The following PICALM variants were observed in gnomAD, a reference collection of about 807,000 sequenced individuals.
The protein encoded by PICALM is phosphatidylinositol-binding clathrin assembly protein.
Under a neutral mutation model 80.5 loss-of-function variants are expected in PICALM, and 40 were observed. That is an observed-to-expected ratio of 0.50 (90% CI 0.39 to 0.65). The LOEUF (loss-of-function observed/expected upper bound fraction) is 0.65. Ranked by LOEUF, PICALM falls within the 30% of genes least tolerant of loss-of-function variation. The probability of loss-of-function intolerance (pLI) is 0.00; values close to 1 mark genes in which losing one functional copy is unlikely to be tolerated. For synonymous variants in PICALM, 288 were observed against 260.3 expected, an observed-to-expected ratio of 1.11 and a Z score of -1.02; for missense variants, 676 against 778.9, an observed-to-expected ratio of 0.87 and a Z score of 1.57.
At chr11:85,985,945 A>G (rs989554162) in intron 13 of PICALM, among the ~76,000 whole-genome samples, 2 of 152,172 alleles carry the variant, frequency 1.3e-5, no homozygotes, top group Non-Finnish European at 2.9e-5. Context: ...CTTTATAGTC[A>G]CACAGAAATT....
Position 86,068,799 on chromosome 11 carries a change from ACCC to A in PICALM, c.-22_-20del. On this transcript the variant is annotated 5_prime_UTR_variant, in exon 1 of 20. Transcript: ENST00000393346. Reference sequence around the variant, plus strand: ...CGGACATCTCTGCAGCTCCTCCACCACCCCACCCGCTCAGCAGCCGGCGGGGAC... The same window carrying A: ...CGGACATCTCTGCAGCTCCTCCACCACACCCGCTCAGCAGCCGGCGGGGAC... 6.3e-7 allele frequency: 1 copy of A among 1,589,738 alleles called. No homozygotes were observed. Among genetic ancestry groups the A allele is most frequent in the Non-Finnish European group, 8.5e-7 (1 of 1,172,034 alleles).
chr11:86,046,166 T>C (rs1359303348), intron 1 of PICALM, among the ~76,000 whole-genome samples: 1 of 152,236 alleles, frequency 6.6e-6, no homozygotes, highest in Non-Finnish European at 1.5e-5. Flanking sequence ...ATACTGATAA[T>C]GAAGATTTTA....
intron 17 of PICALM, chr11:85,976,977 T>C (rs2135598115): frequency 4.6e-6 from 1 of 217,854 alleles, no homozygotes; most frequent in South Asian, 1.2e-4. Context: ...TTTAAAAAAG[T>C]ATCTTAAATA....
intron 1 of PICALM, among the ~76,000 whole-genome samples, chr11:86,046,874 G>A (rs1400697642): frequency 6.6e-6 from 1 of 152,206 alleles, no homozygotes; most frequent in Non-Finnish European, 1.5e-5. Context: ...CTGGCCTTAA[G>A]TGATCCTCCC....
chr11:86,012,241 C>T lies in PICALM; in HGVS notation c.658+40G>A, dbSNP rs758212795. 4.5e-6 allele frequency: 5 copies of T among 1,121,040 alleles called. No homozygotes were observed. In the East Asian group the frequency reaches 1.2e-4, roughly 27 times the overall value. The allele number at this position is 1,121,040 out of a possible 1,614,324, so 69.4% of individuals were successfully genotyped here. On this transcript the variant is annotated intron_variant, in intron 6 of 19. Transcript: ENST00000393346. Reference sequence around the variant, plus strand: ...CAGTCAATATTGTTTATCCATATGACACAAGATAAGAAATGTTATTAGGCT... The same window carrying T: ...CAGTCAATATTGTTTATCCATATGATACAAGATAAGAAATGTTATTAGGCT...
chr11:86,024,774 C>T (rs2095623696), intron 3 of PICALM, among the ~76,000 whole-genome samples: 1 of 152,154 alleles, frequency 6.6e-6, no homozygotes, highest in Non-Finnish European at 1.5e-5. Context: ...ATCTTAAATA[C>T]TCATATCCAT....
At position 86,006,137 on chromosome 11, in the gene PICALM, C is replaced by T. The variant is rs569073842; in HGVS notation, c.807+1405G>A. On this transcript the variant is annotated intron_variant, in intron 8 of 19. Transcript: ENST00000393346. ...AGTTGCCAAATCATTTTATAATATA[C>T]GTTATTCAAGCAATGACTTGTCTCA... Among the ~76,000 whole-genome samples, 17 of 152,278 alleles carry T rather than the reference C, an allele frequency of 1.1e-4. No homozygotes were observed. In the South Asian group the frequency reaches 2.9e-3, roughly 26 times the overall value.
intron 12 of PICALM, among the ~76,000 whole-genome samples, chr11:85,991,954 C>T (rs2135932825): frequency 6.6e-6 from 1 of 152,216 alleles, no homozygotes; most frequent in South Asian, 2.1e-4. Flanking sequence ...CTCCTGGGCT[C>T]AAGTGATGCT....
In PICALM at chr11:85,996,903, A is replaced by G. The variant is rs1413784570; in HGVS notation, c.1181T>C (p.Leu394Pro). The G allele has an allele frequency of 2.5e-6, 4 of 1,612,862 alleles. No individual in the cohort carries two copies. The highest frequency in any genetic ancestry group is 1.1e-5 in the South Asian group (1 of 90,956). ...GTGAAAAGTTGGCTGCTGCAAATCAAGCAGATCATTGGGCAGCTTTGATGT... is the reference window on the plus strand; with the variant it reads ...GTGAAAAGTTGGCTGCTGCAAATCAGGCAGATCATTGGGCAGCTTTGATGT... ...NSTSKLPNDLLDLQQPTFHPS... is the reference protein window; with the variant it reads ...NSTSKLPNDLPDLQQPTFHPS... Residue 394 changes from leucine (L) to proline (P), a missense_variant, in exon 12 of 20, where the codon CTT (leucine) becomes CCT (proline). By Grantham distance (98) the Leu-to-Pro change is moderately conservative. Coordinates refer to ENST00000393346, the MANE Select transcript of PICALM (RefSeq NM_007166.4).
intron 1 of PICALM, among the ~76,000 whole-genome samples, chr11:86,055,560 G>A (rs367745155): frequency 6.6e-6 from 1 of 152,310 alleles, no homozygotes; most frequent in African/African-American, 2.4e-5. Flanking sequence ...CATGGAGATT[G>A]CCATCAAGTA....
intron 1 of PICALM, among the ~76,000 whole-genome samples, chr11:86,062,398 A>G (rs2096382112): frequency 6.6e-6 from 1 of 151,994 alleles, no homozygotes; most frequent in Admixed American, 6.6e-5. Context: ...GGCACCTGTA[A>G]TCCCAGGTAT....
intron 1 of PICALM, among the ~76,000 whole-genome samples, chr11:86,058,246 A>C (rs1260752512): frequency 1.3e-5 from 2 of 152,102 alleles, no homozygotes; most frequent in Non-Finnish European, 2.9e-5. Context: ...GCACACACAC[A>C]CCCCCACAAA....
intron 1 of PICALM, 123 bp from the exon 2 acceptor site, chr11:86,031,734 G>A (rs111471401): frequency 1.8e-5 from 12 of 678,488 alleles, no homozygotes; most frequent in Non-Finnish European, 2.6e-5. Context: ...GTTTGGAGAT[G>A]TTGTTAAAAA....
chr11:86,021,897 T>C (rs2136501271), intron 4 of PICALM, among the ~76,000 whole-genome samples: 1 of 152,336 alleles, frequency 6.6e-6, no homozygotes, highest in South Asian at 2.1e-4. Flanking sequence ...TGCTATAACT[T>C]GGACATATCA....
intron 7 of PICALM, among the ~76,000 whole-genome samples, chr11:86,008,485 T>C (rs956374516): frequency 8.5e-5 from 13 of 152,050 alleles, no homozygotes; most frequent in Admixed American, 6.5e-4. Context: ...CCGGGCATGG[T>C]GGCAGGCACC....
intron 4 of PICALM, among the ~76,000 whole-genome samples, chr11:86,016,952 T>C (rs763708695): frequency 2.0e-5 from 3 of 152,228 alleles, no homozygotes; most frequent in African/African-American, 4.8e-5. Context: ...CTGGGCGCGT[T>C]GGCTCACGCT....
chr11:86,008,828 C>T (rs1048017425), intron 7 of PICALM, among the ~76,000 whole-genome samples: 1 of 151,278 alleles, frequency 6.6e-6, no homozygotes, highest in African/African-American at 2.4e-5. Flanking sequence ...CGGTGGCTCA[C>T]GCCTGTAATC....
At chr11:85,974,633 G>T in intron 19 of PICALM, 75 bp downstream of exon 19, 1 of 954,536 alleles carries the variant, frequency 1.0e-6, no homozygotes, top group Non-Finnish European at 1.7e-6. Context: ...TTCTCAAGTT[G>T]TACAAAAGGG....
At chr11:86,047,565 A>G (rs2096096181) in intron 1 of PICALM, among the ~76,000 whole-genome samples, 1 of 152,256 alleles carries the variant, frequency 6.6e-6, no homozygotes, top group Non-Finnish European at 1.5e-5. Context: ...ATGTTACATG[A>G]GAAGAACACA....
Sources: gnomAD v4.1 joint callset for allele counts (sites outside exome capture counted in the v4.1 genomes callset) on GRCh38, gnomAD v4.1.1 for gene constraint, MANE v1.5 for transcripts, NCBI Gene and HGNC (gene_info 2026-07-23, HGNC 2026-07-21) for gene names.